Variants in MEIKIN observed in about 807,000 individuals in gnomAD.
The protein encoded by MEIKIN is meiosis-specific kinetochore protein.
intron 12 of MEIKIN, among the ~76,000 whole-genome samples, chr5:131,816,906 G>A (rs888758178): frequency 3.3e-5 from 5 of 152,182 alleles, no homozygotes; most frequent in African/African-American, 7.2e-5. Context: ...GCTGGAATAA[G>A]GGATACTCAG....
At chr5:131,928,939 C>G (rs1377934701) in intron 5 of MEIKIN, among the ~76,000 whole-genome samples, 14 of 152,132 alleles carry the variant, frequency 9.2e-5, no homozygotes, top group Admixed American at 9.2e-4. Context: ...TGTTTAGCAT[C>G]CTTGAGTTTC....
chr5:131,905,387 C>G lies in MEIKIN; in HGVS notation c.703+6428G>C, dbSNP rs138225247. Among the ~76,000 whole-genome samples, 8 of 151,854 alleles carry G rather than the reference C, an allele frequency of 5.3e-5. No individual in the cohort carries two copies. The East Asian group carries it at 1.5e-3, about 29-fold the overall frequency. On this transcript the variant is annotated intron_variant, in intron 8 of 12. Transcript: ENST00000442687. ...CAACCTAATACCGCAACTAGAGGAA[C>G]TAGAAAAACAAGAGCAAATCAACCC...
chr5:131,905,877 T>C (rs930329428), intron 8 of MEIKIN, among the ~76,000 whole-genome samples: 2 of 151,884 alleles, frequency 1.3e-5, no homozygotes, highest in Non-Finnish European at 2.9e-5. Flanking sequence ...AGAAATTAAC[T>C]CAAGATGGAT....
intron 8 of MEIKIN, among the ~76,000 whole-genome samples, chr5:131,885,341 AAGAGAG>A (rs57363906): frequency 3.2e-5 from 2 of 61,988 alleles, no homozygotes; most frequent in Admixed American, 2.2e-4. Context: ...TCAGAACTGA[AAGAGAG>A]AGAGAGAGAG....
At chr5:131,854,330 G>C (rs189616520) in intron 10 of MEIKIN, among the ~76,000 whole-genome samples, 1 of 152,216 alleles carries the variant, frequency 6.6e-6, no homozygotes, top group East Asian at 1.9e-4. Flanking sequence ...TTCCAGGGGT[G>C]GGGTAGGGAG....
chr5:131,831,340 A>C (rs1481968257), intron 11 of MEIKIN, among the ~76,000 whole-genome samples: 2 of 152,194 alleles, frequency 1.3e-5, no homozygotes, highest in Non-Finnish European at 2.9e-5. Context: ...GCTTGAGGTC[A>C]GGAGTTTGAG....
intron 11 of MEIKIN, among the ~76,000 whole-genome samples, chr5:131,830,637 A>G (rs1428336518): frequency 6.6e-6 from 1 of 152,208 alleles, no homozygotes; most frequent in Non-Finnish European, 1.5e-5. Context: ...ATTATAGTTT[A>G]CCATTTCCCT....
intron 9 of MEIKIN, among the ~76,000 whole-genome samples, chr5:131,860,654 G>C (rs1017824260): frequency 3.3e-5 from 5 of 150,700 alleles, no homozygotes; most frequent in Non-Finnish European, 5.9e-5. Context: ...TCACTATCTT[G>C]GCCAGGCTGG....
intron 9 of MEIKIN, among the ~76,000 whole-genome samples, chr5:131,871,380 G>A (rs987615216): frequency 3.3e-5 from 5 of 152,186 alleles, no homozygotes; most frequent in South Asian, 2.1e-4. Context: ...AGGGTCCTAC[G>A]CCCAGAGTCT....
chr5:131,820,293 C>T (rs569219029), intron 11 of MEIKIN, among the ~76,000 whole-genome samples: 3 of 151,616 alleles, frequency 2.0e-5, no homozygotes, highest in African/African-American at 4.9e-5. Context: ...AGACTGGTCT[C>T]GAACTCCTGA....
intron 11 of MEIKIN, among the ~76,000 whole-genome samples, chr5:131,833,044 T>C (rs1749741405): frequency 6.6e-6 from 1 of 152,268 alleles, no homozygotes; most frequent in African/African-American, 2.4e-5. Context: ...TGCAGCCAGC[T>C]TGAATTTCTC....
At chr5:131,931,352 T>G (rs1195451962) in intron 5 of MEIKIN, among the ~76,000 whole-genome samples, 1 of 152,208 alleles carries the variant, frequency 6.6e-6, no homozygotes, top group African/African-American at 2.4e-5. Context: ...CCACTCACTC[T>G]GCACTGAGCT....
At chr5:131,914,331 C>T (rs1561753693) in intron 7 of MEIKIN, among the ~76,000 whole-genome samples, 1 of 147,916 alleles carries the variant, frequency 6.8e-6, no homozygotes, top group Non-Finnish European at 1.5e-5. Flanking sequence ...TTACAGTGAG[C>T]TATGATGGTG....
At chr5:131,926,806 C>T (rs1751594058) in intron 5 of MEIKIN, among the ~76,000 whole-genome samples, 1 of 152,076 alleles carries the variant, frequency 6.6e-6, no homozygotes, top group Non-Finnish European at 1.5e-5. Flanking sequence ...AATTTATTGT[C>T]CTATAATTGG....
chr5:131,909,732 C>A (rs779745574), intron 8 of MEIKIN, among the ~76,000 whole-genome samples: 43 of 152,128 alleles, frequency 2.8e-4, no homozygotes, highest in Non-Finnish European at 5.0e-4. Flanking sequence ...AAACAAAAAT[C>A]TGATAATCCA....
chr5:131,848,302 AAAG>A (rs1750052691), intron 11 of MEIKIN, among the ~76,000 whole-genome samples: 1 of 152,182 alleles, frequency 6.6e-6, no homozygotes, highest in Non-Finnish European at 1.5e-5. Flanking sequence ...ATAAAAAGGG[AAAG>A]AAGACTTAAA....
rs67579794 is a variant in MEIKIN, at chr5:131,880,264, A to ATT, written c.704-1218_704-1217dup. On this transcript the variant is annotated intron_variant, in intron 8 of 12. Transcript: ENST00000442687. ...GCCACCACACCAGGCTAATTTTTGT[A>ATT]TTTTTTTTTTTTTTTTTTAGTAGAG... Among the ~76,000 whole-genome samples, 899 of 138,334 alleles carry ATT rather than the reference A, an allele frequency of 6.5e-3. 9 individuals carry two copies. Among genetic ancestry groups the ATT allele is most frequent in the South Asian group, 9.1e-3 (39 of 4,282 alleles). The allele number at this position is 138,334 out of a possible 152,430, so 90.8% of individuals were successfully genotyped here. A position where few individuals can be genotyped will look rare whatever the true frequency, so the allele number is the denominator to read the frequency against.
Position 131,821,191 on chromosome 5 carries a change from G to A in MEIKIN, c.976-2328C>T, listed in dbSNP as rs150311778. Among the ~76,000 whole-genome samples, 482 of 152,144 alleles carry A rather than the reference G, an allele frequency of 3.2e-3. 3 individuals carry two copies. Among genetic ancestry groups the A allele is most frequent in the African/African-American group, 0.011 (459 of 41,510 alleles). On this transcript the variant is annotated intron_variant, in intron 11 of 12. Coordinates refer to ENST00000442687, the MANE Select transcript of MEIKIN (RefSeq NM_001303622.2). ...TGCTGTATCCCATAGGTCTTGGAAT[G>A]TTATGTCTCCATTATTATTTGTTTC...
intron 11 of MEIKIN, among the ~76,000 whole-genome samples, chr5:131,840,502 C>A (rs538428341): frequency 8.5e-5 from 13 of 152,304 alleles, no homozygotes; most frequent in African/African-American, 3.1e-4. Flanking sequence ...TAGATTTGCT[C>A]TCTTACATAA....
Sources: gnomAD v4.1 joint callset for allele counts (sites outside exome capture counted in the v4.1 genomes callset) on GRCh38, gnomAD v4.1.1 for gene constraint, MANE v1.5 for transcripts, NCBI Gene and HGNC (gene_info 2026-07-23, HGNC 2026-07-21) for gene names.